The following ABHD2 variants were observed in gnomAD, a reference collection of about 807,000 sequenced individuals.
ABHD2 encodes the protein abhydrolase domain containing 2, acylglycerol lipase.
A neutral mutation model predicts 48.1 loss-of-function variants in ABHD2; 20 were observed. The observed-to-expected ratio is 0.42, with a 90% CI of 0.29 to 0.60. The LOEUF is 0.60. Among genes scored for constraint, ABHD2 ranks in the 20% least tolerant of loss-of-function variants. The probability of loss-of-function intolerance (pLI) is 0.24; values close to 1 mark genes in which losing one functional copy is unlikely to be tolerated. For missense variants in ABHD2, 405 were observed against 550.9 expected (o/e 0.74, Z 2.65); for synonymous variants, 209 against 214.2 (o/e 0.98, Z 0.21).
At chr15:89,051,262 A>G in the ABHD2 span, among the ~76,000 whole-genome samples, 3 of 152,194 alleles carry the variant, frequency 2.0e-5, no homozygotes, top group South Asian at 4.1e-4. Context: ...GCTAGAAAGC[A>G]CTGTTTCAGA....
At chr15:89,073,595 A>T in the ABHD2 span, among the ~76,000 whole-genome samples, 2 of 151,906 alleles carry the variant, frequency 1.3e-5, no homozygotes, top group African/African-American at 4.8e-5. Flanking sequence ...GTTTTCTTTT[A>T]AAAAGTGTGT....
At position 89,185,697 on chromosome 15, in the gene ABHD2, G is replaced by A. The variant is rs62020287; in HGVS notation, c.815+181G>A. On this transcript the variant is annotated intron_variant, in intron 7 of 10. Transcript: ENST00000352732. The surrounding 1 kb of genome is among the most constrained non-coding windows in gnomAD (Gnocchi z 5.9). Reference sequence around the variant, plus strand: ...AAACAAACTTGTCTTGGCCAGGCGCGGTGGCTCACGCCTGTAACCCCAGCA... The same window carrying A: ...AAACAAACTTGTCTTGGCCAGGCGCAGTGGCTCACGCCTGTAACCCCAGCA... Among the ~76,000 whole-genome samples the A allele has an allele frequency of 0.082, 12,430 of 152,218 alleles. 564 individuals carry two copies. The highest frequency in any genetic ancestry group is 0.14 in the Middle Eastern group (41 of 294).
rs368297691 is a variant in ABHD2, at chr15:89,129,869, C to A, written c.194+13348C>A. 5.3e-5 allele frequency among the ~76,000 whole-genome samples: 8 copies of A among 151,254 alleles called. 1 individual carries two copies. Among genetic ancestry groups the A allele is most frequent in the South Asian group, 4.2e-4 (2 of 4,788 alleles). On this transcript the variant is annotated intron_variant, in intron 3 of 10. Transcript: ENST00000352732. ...TGTAAGAGTTCAGTAAATATAGCTG[C>A]TATTATTGTAGCTATTTTTATTTTA...
chr15:89,170,675 G>A (rs2050910915), intron 5 of ABHD2, among the ~76,000 whole-genome samples: 2 of 152,268 alleles, frequency 1.3e-5, no homozygotes, highest in East Asian at 1.9e-4. Flanking sequence ...GGACCAGAGG[G>A]CCTGTTACCC....
rs1279103752 is a variant in ABHD2, at chr15:89,102,096, C to A, written c.-106-11629C>A. Among the ~76,000 whole-genome samples the A allele has an allele frequency of 2.0e-5, 3 of 152,150 alleles. No individual in the cohort carries two copies. Among genetic ancestry groups the A allele is most frequent in the African/African-American group, 7.2e-5 (3 of 41,422 alleles). On this transcript the variant is annotated intron_variant, in intron 1 of 10. Coordinates refer to ENST00000352732, the MANE Select transcript of ABHD2 (RefSeq NM_152924.5). The surrounding 1 kb of genome is among the most constrained non-coding windows in gnomAD (Gnocchi z 4.8). ...TCACTGCCACTGCTCCAAAACACAC[C>A]CCTCTTGTCCATCTGCCCATTTCCT... is the stretch of plus-strand genomic sequence containing the variant.
intron 5 of ABHD2, among the ~76,000 whole-genome samples, chr15:89,170,899 C>G (rs1019709168): frequency 2.2e-4 from 33 of 152,168 alleles, no homozygotes; most frequent in African/African-American, 8.0e-4. Context: ...GGGCGGATCA[C>G]AAGGTCAGGA....
the ABHD2 span, among the ~76,000 whole-genome samples, chr15:89,067,317 T>G: frequency 2.6e-5 from 4 of 152,228 alleles, no homozygotes; most frequent in African/African-American, 9.6e-5. Flanking sequence ...GTTTAGCATT[T>G]TCTTTGAAGC....
intron 5 of ABHD2, among the ~76,000 whole-genome samples, chr15:89,172,952 C>T (rs2050953753): frequency 6.6e-6 from 1 of 152,180 alleles, no homozygotes; most frequent in South Asian, 2.1e-4. Context: ...GGTTACTTGT[C>T]ATCAAAGAGA....
intron 4 of ABHD2, among the ~76,000 whole-genome samples, chr15:89,153,790 C>T (rs1005359728): frequency 7.9e-5 from 12 of 151,990 alleles, no homozygotes; most frequent in Admixed American, 3.3e-4. Flanking sequence ...ATATTATTAA[C>T]GTTTTGTTCC....
intron 1 of ABHD2, among the ~76,000 whole-genome samples, chr15:89,105,351 A>T (rs2049767693): frequency 6.6e-6 from 1 of 152,242 alleles, no homozygotes; most frequent in South Asian, 2.1e-4. Context: ...TGACATTTAA[A>T]TGTGAGGTTC....
In ABHD2 at chr15:89,176,821, G is replaced by A. The variant is rs555184949; in HGVS notation, c.722+826G>A. ...TCTGATGAAAAAATTTGAAACACAC[G>A]GGAAAGTTTAAAAACACCTCCCTAT... On this transcript the variant is annotated intron_variant, in intron 6 of 10. Transcript: ENST00000352732. This position sits in a 1 kb window ranked among gnomAD's most constrained non-coding sequence, Gnocchi z 4.5. Among the ~76,000 whole-genome samples, 79 of 152,164 alleles carry A rather than the reference G, an allele frequency of 5.2e-4. 1 individual carries two copies. Among genetic ancestry groups the A allele is most frequent in the African/African-American group, 1.7e-3 (71 of 41,512 alleles).
the ABHD2 span, among the ~76,000 whole-genome samples, chr15:89,060,752 A>AGG: frequency 6.6e-6 from 1 of 152,130 alleles, no homozygotes; most frequent in Admixed American, 6.5e-5. Context: ...ATAAAGACAA[A>AGG]GGGGGGAAGT....
At chr15:89,052,161 C>T in the ABHD2 span, among the ~76,000 whole-genome samples, 1 of 152,296 alleles carries the variant, frequency 6.6e-6, no homozygotes, top group East Asian at 1.9e-4. Flanking sequence ...TTACTTAGTT[C>T]AGAATTCAGG....
chr15:89,136,390 C>G (rs78592963), intron 3 of ABHD2: 5 of 520,516 alleles, frequency 9.6e-6, no homozygotes, highest in African/African-American at 1.9e-5. Flanking sequence ...GAGGAGTTGA[C>G]TGAAGCATCT....
the ABHD2 span, among the ~76,000 whole-genome samples, chr15:89,049,137 C>CCCGG: frequency 6.6e-6 from 1 of 151,988 alleles, no homozygotes; most frequent in Non-Finnish European, 1.5e-5. Context: ...TGTTGGAGTA[C>CCCGG]CCGGCCGGCC....
chr15:89,047,212 T>C, the ABHD2 span, among the ~76,000 whole-genome samples: 1 of 152,272 alleles, frequency 6.6e-6, no homozygotes, highest in African/African-American at 2.4e-5. Flanking sequence ...CGGTTTTAAG[T>C]GAGATTCTTA....
intron 10 of ABHD2, 54 bp downstream of exon 10, chr15:89,193,373 A>G (rs894700747): frequency 6.3e-6 from 9 of 1,433,462 alleles, no homozygotes; most frequent in Non-Finnish European, 8.9e-6. Context: ...GCCACAGTAA[A>G]TTCTGTCACC....
chr15:89,052,713 C>G, the ABHD2 span, among the ~76,000 whole-genome samples: 2 of 152,142 alleles, frequency 1.3e-5, no homozygotes, highest in African/African-American at 2.4e-5. Context: ...CCTCACAGAG[C>G]TCACAGGGAG....
chr15:89,161,459 G>A (rs949332519), intron 5 of ABHD2, among the ~76,000 whole-genome samples: 4 of 152,100 alleles, frequency 2.6e-5, no homozygotes, highest in African/African-American at 9.7e-5. Context: ...GGAGTGCAAT[G>A]GTGCAATCTC....
Sources: allele counts gnomAD v4.1 joint callset (sites outside exome capture counted in the v4.1 genomes callset), GRCh38; gene constraint gnomAD v4.1.1; non-coding constraint Gnocchi (gnomAD v3.1); transcripts MANE v1.5; gene names NCBI Gene and HGNC (gene_info 2026-07-23, HGNC 2026-07-21).